TBC1D1: variants seen among roughly 807,000 people sequenced by gnomAD.
The protein encoded by TBC1D1 is TBC1 (tre-2/USP6, BUB2, cdc16) domain family, member 1.
In TBC1D1, 89 loss-of-function variants were observed where a neutral mutation model predicts 125.6. The observed-to-expected ratio is 0.71, with a 90% CI of 0.60 to 0.85. The LOEUF (loss-of-function observed/expected upper bound fraction) is 0.85, where lower values mean the gene tolerates loss of function less well. Among genes scored for constraint, TBC1D1 ranks in the 40% least tolerant of loss-of-function variants. TBC1D1 has a pLI of 0.00. For synonymous variants in TBC1D1, 565 were observed against 564.1 expected, an observed-to-expected ratio of 1.00 and a Z score of -0.02; for missense variants, 1,377 against 1,469.2, an observed-to-expected ratio of 0.94 and a Z score of 1.03.
intron 2 of TBC1D1, among the ~76,000 whole-genome samples, chr4:37,964,558 C>A (rs1401948299): frequency 6.6e-6 from 1 of 152,180 alleles, no homozygotes; most frequent in Non-Finnish European, 1.5e-5. Flanking sequence ...TGCCTGCCTT[C>A]CCGAGATCCG....
chr4:37,942,875 A>G (rs1333573114), intron 2 of TBC1D1, among the ~76,000 whole-genome samples: 1 of 152,116 alleles, frequency 6.6e-6, no homozygotes, highest in African/African-American at 2.4e-5. Context: ...TGATCCTGTC[A>G]TTATGATGTT....
intron 13 of TBC1D1, among the ~76,000 whole-genome samples, chr4:38,090,324 T>G (rs1758219465): frequency 6.6e-6 from 1 of 152,234 alleles, no homozygotes; most frequent in South Asian, 2.1e-4. Context: ...CAATATTCAT[T>G]ATTCCTCTAT....
intron 11 of TBC1D1, among the ~76,000 whole-genome samples, chr4:38,052,329 GTGTT>G (rs1238675456): frequency 2.1e-5 from 3 of 143,990 alleles, no homozygotes; most frequent in Non-Finnish European, 3.0e-5. Context: ...GTTTGTGTTT[GTGTT>G]TGTTTTTTTT....
At chr4:38,045,784 G>C in intron 9 of TBC1D1, 33 bp from the exon 10 acceptor site, 1 of 1,579,422 alleles carries the variant, frequency 6.3e-7, no homozygotes, top group Non-Finnish European at 8.7e-7. Context: ...AAAGCCTCCA[G>C]AGTCATAACT....
intron 15 of TBC1D1, among the ~76,000 whole-genome samples, chr4:38,109,048 G>C (rs1296375100): frequency 6.6e-6 from 1 of 152,156 alleles, no homozygotes; most frequent in Non-Finnish European, 1.5e-5. Context: ...GTGCTGGCGG[G>C]GACCACAGTG....
intron 12 of TBC1D1, among the ~76,000 whole-genome samples, chr4:38,081,265 A>G (rs952558225): frequency 3.3e-5 from 5 of 152,250 alleles, no homozygotes; most frequent in African/African-American, 9.6e-5. Context: ...TAGGCCACAG[A>G]GGAGGCGTCT....
At chr4:38,100,447 A>G (rs1200523879) in intron 14 of TBC1D1, among the ~76,000 whole-genome samples, 4 of 152,174 alleles carry the variant, frequency 2.6e-5, no homozygotes, top group African/African-American at 9.7e-5. Context: ...CTGTATGTCT[A>G]TTATAAGAAT....
intron 2 of TBC1D1, among the ~76,000 whole-genome samples, chr4:37,912,956 T>C (rs1029165138): frequency 2.0e-5 from 3 of 152,322 alleles, no homozygotes; most frequent in Admixed American, 6.5e-5. Context: ...AATGGATTAA[T>C]TTATTTGGAG....
chr4:37,920,283 A>G lies in TBC1D1; in HGVS notation c.417+17771A>G, dbSNP rs573084958. ...AGGACAGTCATAGACAGGTGCTTCA[A>G]TGTCATCTCGTAAGAGGTAGTAAGG... On this transcript the variant is annotated intron_variant, in intron 2 of 19. Coordinates refer to ENST00000261439, the MANE Select transcript of TBC1D1 (RefSeq NM_015173.4). 2.6e-5 allele frequency among the ~76,000 whole-genome samples: 4 copies of G among 152,266 alleles called. No individual in the cohort carries two copies. In the South Asian group the frequency reaches 6.2e-4, roughly 24 times the overall value.
chr4:38,043,771 C>T (rs775666491), intron 8 of TBC1D1, among the ~76,000 whole-genome samples: 13 of 152,036 alleles, frequency 8.6e-5, no homozygotes, highest in African/African-American at 1.4e-4. Flanking sequence ...GAGAGGAAAA[C>T]GCAAGAAAGC....
intron 14 of TBC1D1, among the ~76,000 whole-genome samples, chr4:38,096,795 C>T (rs1222991625): frequency 6.6e-6 from 1 of 151,996 alleles, no homozygotes; most frequent in African/African-American, 2.4e-5. Flanking sequence ...TTTTGTCCAT[C>T]TGTTTTTTTT....
At chr4:37,983,965 G>A (rs1466246785) in intron 2 of TBC1D1, among the ~76,000 whole-genome samples, 1 of 152,144 alleles carries the variant, frequency 6.6e-6, no homozygotes, top group Non-Finnish European at 1.5e-5. Context: ...TATAGAGCAT[G>A]TATATATAGT....
At chr4:38,117,373 T>A (rs916371166) in intron 16 of TBC1D1, among the ~76,000 whole-genome samples, 1 of 152,232 alleles carries the variant, frequency 6.6e-6, no homozygotes, top group Non-Finnish European at 1.5e-5. Flanking sequence ...GTGGCACTAC[T>A]AGGAACTGGC....
chr4:38,069,022 A>T (rs1754237105), intron 12 of TBC1D1, among the ~76,000 whole-genome samples: 1 of 152,228 alleles, frequency 6.6e-6, no homozygotes, highest in Admixed American at 6.5e-5. Flanking sequence ...AACTAGTGTT[A>T]CTGGATATGT....
intron 2 of TBC1D1, among the ~76,000 whole-genome samples, chr4:37,921,581 A>AT (rs967776162): frequency 4.1e-4 from 58 of 142,674 alleles, no homozygotes; most frequent in Middle Eastern, 3.6e-3. Context: ...TAATTTTTGT[A>AT]TTTTTTTTTT....
chr4:37,999,871 T>C (rs193095685), intron 2 of TBC1D1, among the ~76,000 whole-genome samples: 2 of 152,368 alleles, frequency 1.3e-5, no homozygotes, highest in Admixed American at 1.3e-4. Flanking sequence ...TGTTTCTGTA[T>C]TGGACTGAGT....
intron 2 of TBC1D1, among the ~76,000 whole-genome samples, chr4:37,923,669 C>T (rs896409219): frequency 9.1e-5 from 13 of 142,898 alleles, no homozygotes; most frequent in Middle Eastern, 3.6e-3. Flanking sequence ...CCTGCTGCAC[C>T]CCCACCCCAT....
chr4:38,004,443 T>A (rs1214171697), intron 2 of TBC1D1, among the ~76,000 whole-genome samples: 1 of 152,222 alleles, frequency 6.6e-6, no homozygotes, highest in African/African-American at 2.4e-5. Flanking sequence ...CGTCACACAT[T>A]TACCAAAATG....
intron 2 of TBC1D1, among the ~76,000 whole-genome samples, chr4:37,940,282 G>A (rs965898022): frequency 2.0e-5 from 3 of 152,140 alleles, no homozygotes; most frequent in Non-Finnish European, 2.9e-5. Context: ...TCTCTTTGAA[G>A]CAATTGTGAA....
Sources: gnomAD v4.1 joint callset for allele counts (sites outside exome capture counted in the v4.1 genomes callset) on GRCh38, gnomAD v4.1.1 for gene constraint, MANE v1.5 for transcripts, NCBI Gene and HGNC (gene_info 2026-07-23, HGNC 2026-07-21) for gene names.